The following ARHGAP21 variants were observed in gnomAD, a reference collection of about 807,000 sequenced individuals.
The protein encoded by ARHGAP21 is Rho GTPase activating protein 21, also known as rho GTPase-activating protein 21.
ARHGAP21 carries 38 observed loss-of-function variants against 164.6 expected under a neutral mutation model. The observed-to-expected ratio is 0.23, with a 90% confidence interval of 0.18 to 0.30. ARHGAP21 has a LOEUF of 0.30. Ranked by LOEUF, ARHGAP21 falls within the 10% of genes least tolerant of loss-of-function variation. ARHGAP21 has a pLI of 1.00. For missense variants in ARHGAP21, 1,822 were observed against 2,370.7 expected (o/e 0.77, Z 4.81); for synonymous variants, 766 against 857.9 (o/e 0.89, Z 1.87).
chr10:24,721,544 G>C (rs530210695), intron 2 of ARHGAP21, among the ~76,000 whole-genome samples: 2 of 152,326 alleles, frequency 1.3e-5, no homozygotes, highest in African/African-American at 4.8e-5. Context: ...TCTCAGGCTT[G>C]TAGCATCCAC....
At chr10:24,706,634 A>T (rs1844252072) in intron 2 of ARHGAP21, 1 of 152,590 alleles carries the variant, frequency 6.6e-6, no homozygotes, top group Non-Finnish European at 1.5e-5. Flanking sequence ...TCTCTGACTC[A>T]GCTTCTGTCA....
At chr10:24,642,290 C>T (rs567090320) in intron 4 of ARHGAP21, among the ~76,000 whole-genome samples, 11 of 151,630 alleles carry the variant, frequency 7.3e-5, no homozygotes, top group South Asian at 6.3e-4. Context: ...CCGAGGCGGG[C>T]GGATCACGAG....
In ARHGAP21 at chr10:24,607,886, T is replaced by A; in HGVS notation, c.2440A>T (p.Ser814Cys). 1.2e-6 allele frequency: 2 copies of A among 1,605,218 alleles called. No individual in the cohort carries two copies. The highest frequency in any genetic ancestry group is 1.7e-6 in the Non-Finnish European group (2 of 1,176,578). ...IPFIDEPTSPSIDHDIAHIPA... is the reference protein window; with the variant it reads ...IPFIDEPTSPCIDHDIAHIPA... The stretch of plus-strand genomic sequence containing the variant: ...ATATGTGCAATATCATGATCAATGC[T>A]AGGGCTAGTTGGTTCATCTGTAAGA... Residue 814 changes from serine to cysteine, a missense_variant, in exon 10 of 26, where the codon AGC becomes TGC. Physicochemically the swap from Ser to Cys is moderately radical, Grantham distance 112. Transcript: ENST00000396432.
At chr10:24,607,975 CATT>C (rs2077102080) in intron 9 of ARHGAP21, 72 bp from the exon 10 acceptor site, 21 of 1,417,854 alleles carry the variant, frequency 1.5e-5, no homozygotes, top group South Asian at 4.5e-5. Flanking sequence ...AGTCAATAAT[CATT>C]ATTAAGGGGG....
At position 24,695,229 on chromosome 10, in the gene ARHGAP21, C is replaced by T. The variant is rs535072426; in HGVS notation, c.64-24832G>A. ...ATTCATGCTATGTGTCATCCCCTAC[C>T]CTTGAGTGTGGGCTAGACCTAGCGA... is the stretch of plus-strand genomic sequence containing the variant. On this transcript the variant is annotated intron_variant, in intron 2 of 25. Transcript: ENST00000396432. Among the ~76,000 whole-genome samples the T allele has an allele frequency of 8.5e-5, 13 of 152,164 alleles. No homozygotes were observed. In the South Asian group the frequency reaches 1.2e-3, roughly 15 times the overall value.
intron 4 of ARHGAP21, among the ~76,000 whole-genome samples, chr10:24,656,289 G>A (rs71491196): frequency 9.4e-6 from 1 of 106,104 alleles, no homozygotes; most frequent in Non-Finnish European, 2.0e-5. Context: ...GCCCCTACTG[G>A]GAAGTGAGGA....
chr10:24,613,283 C>T (rs1276140325), intron 9 of ARHGAP21, among the ~76,000 whole-genome samples: 2 of 152,136 alleles, frequency 1.3e-5, no homozygotes. Context: ...CAGCAACAGA[C>T]CTTGAGTAGG....
Position 24,607,736 on chromosome 10 carries a change from T to C in ARHGAP21, c.2581+9A>G, listed in dbSNP as rs754043469. The C allele has an allele frequency of 5.0e-6, 8 of 1,613,582 alleles. No homozygotes were observed. Among genetic ancestry groups the C allele is most frequent in the Non-Finnish European group, 6.8e-6 (8 of 1,179,738 alleles). On this transcript the variant is annotated intron_variant, in intron 10 of 25. Coordinates refer to ENST00000396432, the MANE Select transcript of ARHGAP21 (RefSeq NM_020824.4). The stretch of plus-strand genomic sequence containing the variant: ...AGATACGGTTTACAAAACCACCCTT[T>C]AGACGTACCGTGGTCATGTGAGAGC...
rs2077080438 is a variant in ARHGAP21 at position 24,607,537 on chromosome 10, A to G, written c.2646T>C (p.Tyr882=). 1.2e-6 allele frequency: 2 copies of G among 1,613,750 alleles called. No individual in the cohort carries two copies. Among genetic ancestry groups the G allele is most frequent in the Admixed American group, 3.3e-5 (2 of 59,992 alleles). The change falls in exon 11 of 26, where the codon TAT becomes TAC. Residue 882 remains tyrosine (Y), a synonymous_variant. Transcript: ENST00000396432. ...CTCTGTAATCATCCAGACCCTCATC[A>G]TATGATTTTGATCTTTCTGTCTTTG... ...PNSKTERSKS[Y]DEGLDDYRED... is the part of the protein sequence containing the mutation.
intron 7 of ARHGAP21, 115 bp downstream of exon 7, chr10:24,629,881 G>A (rs754435097): frequency 2.6e-6 from 2 of 780,498 alleles, no homozygotes; most frequent in African/African-American, 3.5e-5. Flanking sequence ...GGAACCAGAG[G>A]GTTTTTAAAT....
chr10:24,594,937 G>A lies in ARHGAP21; in HGVS notation c.3876+13C>T. On this transcript the variant is annotated intron_variant, in intron 21 of 25. Coordinates refer to ENST00000396432, the MANE Select transcript of ARHGAP21 (RefSeq NM_020824.4). The stretch of plus-strand genomic sequence containing the variant: ...CACTAAAAGTACATTTCTTCAATAA[G>A]CATTTTACATACCTTATTTTTTTCT... 4 of 1,583,164 alleles carry A rather than the reference G, an allele frequency of 2.5e-6. No individual in the cohort carries two copies. The highest frequency in any genetic ancestry group is 3.5e-6 in the Non-Finnish European group (4 of 1,156,412).
Position 24,620,395 on chromosome 10 carries a change from C to T in ARHGAP21, c.1500G>A (p.Glu500=). 1.2e-6 allele frequency: 2 copies of T among 1,612,884 alleles called. No individual in the cohort carries two copies. Among genetic ancestry groups the T allele is most frequent in the Non-Finnish European group, 1.7e-6 (2 of 1,179,478 alleles). Residue 500 remains glutamate (E), a synonymous_variant, in exon 9 of 26, where the codon GAG becomes GAA. Transcript: ENST00000396432. ...NHRTRSWDYI[E]GQDETLENVN... is the part of the protein sequence containing the mutation. ...CATTTTCTAAGGTTTCATCCTGTCC[C>T]TCAATATAATCCCATGAACGAGTTC...
chr10:24,636,030 C>T (rs1352032867), intron 4 of ARHGAP21, among the ~76,000 whole-genome samples: 2 of 152,032 alleles, frequency 1.3e-5, no homozygotes, highest in African/African-American at 4.8e-5. Context: ...CATGATCAAC[C>T]CCGTAAGTCA....
chr10:24,691,234 G>A (rs1370436240), intron 2 of ARHGAP21, among the ~76,000 whole-genome samples: 1 of 152,128 alleles, frequency 6.6e-6, no homozygotes, highest in Admixed American at 6.5e-5. Flanking sequence ...CTAACTTTAG[G>A]CGGAAACATC....
rs1846165066 is a variant in ARHGAP21, at chr10:24,723,849, G to A, written c.-668C>T. Among the ~76,000 whole-genome samples the A allele has an allele frequency of 6.6e-6, 1 of 150,414 alleles. No individual in the cohort carries two copies. Among genetic ancestry groups the A allele is most frequent in the Non-Finnish European group, 1.5e-5 (1 of 67,552 alleles). ...CCTCGCCTCGCCGGGCCGGGCCGGG[G>A]CCCAGCTCCGGCGCCCGCGAACGCC... is the stretch of plus-strand genomic sequence containing the variant. On this transcript the variant is annotated 5_prime_UTR_variant, in exon 1 of 26. Transcript: ENST00000396432.
intron 14 of ARHGAP21, among the ~76,000 whole-genome samples, chr10:24,599,408 A>G (rs927068846): frequency 1.3e-5 from 2 of 152,232 alleles, no homozygotes; most frequent in Non-Finnish European, 2.9e-5. Flanking sequence ...TTGCACTGAT[A>G]AAGATCTGGT....
intron 2 of ARHGAP21, among the ~76,000 whole-genome samples, chr10:24,692,342 A>C (rs914606053): frequency 6.6e-6 from 1 of 152,270 alleles, no homozygotes; most frequent in African/African-American, 2.4e-5. Flanking sequence ...ACATCCATGG[A>C]AAGTATAGAT....
chr10:24,622,588 A>C, intron 8 of ARHGAP21, 145 bp downstream of exon 8: 1 of 840,180 alleles, frequency 1.2e-6, no homozygotes, highest in Non-Finnish European at 1.8e-6. Context: ...CATCTATCAC[A>C]AACGTATTCT....
At chr10:24,662,846 T>G (rs180724999) in intron 4 of ARHGAP21, among the ~76,000 whole-genome samples, 3 of 152,348 alleles carry the variant, frequency 2.0e-5, no homozygotes, top group Admixed American at 2.0e-4. Context: ...ACCTTTTTGT[T>G]AACCTCACTT....
Sources: allele counts gnomAD v4.1 joint callset (sites outside exome capture counted in the v4.1 genomes callset), GRCh38; gene constraint gnomAD v4.1.1; transcripts MANE v1.5; gene names NCBI Gene and HGNC (gene_info 2026-07-23, HGNC 2026-07-21).